MTG2: variants seen among roughly 807,000 people sequenced by gnomAD.
The protein encoded by MTG2 is mitochondrial ribosome-associated GTPase 2.
In MTG2, 23 loss-of-function variants were observed where a neutral mutation model predicts 28.6. The ratio of observed to expected loss-of-function variants is 0.80; its 90% CI spans 0.58 to 1.14. The LOEUF (loss-of-function observed/expected upper bound fraction) is 1.14. Among genes scored for constraint, MTG2 ranks in the 50% most tolerant of loss-of-function variants. The pLI is 0.00. For synonymous variants in MTG2, 260 were observed against 251.8 expected, an observed-to-expected ratio of 1.03 and a Z score of -0.31; for missense variants, 539 against 552.0, an observed-to-expected ratio of 0.98 and a Z score of 0.24.
intron 6 of MTG2, 46 bp downstream of exon 6, chr20:62,199,303 A>G (rs754536714): frequency 6.3e-7 from 1 of 1,583,074 alleles, no homozygotes; most frequent in Non-Finnish European, 8.6e-7. Flanking sequence ...AAATGATGTA[A>G]TTCAGAAAAG....
intron 1 of MTG2, among the ~76,000 whole-genome samples, chr20:62,184,185 C>T (rs775486393): frequency 1.6e-4 from 24 of 152,136 alleles, no homozygotes; most frequent in Admixed American, 2.6e-4. Flanking sequence ...GGTGAAACCC[C>T]ATCTCTACTA....
chr20:62,201,275 T>G lies in MTG2; in HGVS notation c.*198T>G. 1.5e-6 allele frequency: 1 copy of G among 645,970 alleles called. No homozygotes were observed. The highest frequency in any genetic ancestry group is 2.6e-6 in the Non-Finnish European group (1 of 384,604). The allele number at this position is 645,970 out of a possible 1,614,324, so 40.0% of individuals were successfully genotyped here. Reference sequence around the variant, plus strand: ...CCCCTACCCCGCCTGCCCTCCGTATTTCCTGCACCTGTCAGCCTGCACCGA... The same window carrying G: ...CCCCTACCCCGCCTGCCCTCCGTATGTCCTGCACCTGTCAGCCTGCACCGA... On this transcript the variant is annotated 3_prime_UTR_variant, in exon 7 of 7. Transcript: ENST00000370823.
At chr20:62,198,579 C>T in intron 4 of MTG2, 55 bp from the exon 5 acceptor site, 2 of 1,564,106 alleles carry the variant, frequency 1.3e-6, no homozygotes, top group South Asian at 1.1e-5. Flanking sequence ...TGGGTTAAGG[C>T]CTCCTTTCCT....
chr20:62,194,475 T>G (rs2145849296), intron 2 of MTG2, among the ~76,000 whole-genome samples: 2 of 152,382 alleles, frequency 1.3e-5, no homozygotes, highest in African/African-American at 4.8e-5. Flanking sequence ...TGGATTTTGC[T>G]TGCGTTGGCG....
intron 1 of MTG2, among the ~76,000 whole-genome samples, chr20:62,187,104 A>G (rs973461583): frequency 2.0e-5 from 3 of 152,084 alleles, no homozygotes; most frequent in Admixed American, 6.6e-5. Flanking sequence ...TTTCCTCCTC[A>G]TGAGTGGGTG....
At position 62,202,441 on chromosome 20, in the gene MTG2, A is replaced by C. The variant is rs575166850; in HGVS notation, c.*1364A>C. 1.6e-3 allele frequency: 146 copies of C among 92,670 alleles called. No homozygotes were observed. The East Asian group carries it at 0.041, about 26-fold the overall frequency. 5.7% of individuals were successfully genotyped at this position (92,670 alleles called of 1,614,324 possible). A position where few individuals can be genotyped will look rare whatever the true frequency, so the allele number is the denominator to read the frequency against. On this transcript the variant is annotated 3_prime_UTR_variant, in exon 7 of 7. Transcript: ENST00000370823. ...ACAGAGCGAGACCCTGTCTCAAAAA[A>C]CAAACAAACAAACAAACAAAAACAG...
In MTG2 at chr20:62,198,644, G is replaced by A; in HGVS notation, c.479G>A (p.Gly160Asp). The A allele has an allele frequency of 6.2e-7, 1 of 1,613,732 alleles. No individual in the cohort carries two copies. Among genetic ancestry groups the A allele is most frequent in the Non-Finnish European group, 8.5e-7 (1 of 1,179,886 alleles). ...CCTGCTGTTCCCCAGGTCCCCGTGG[G>A]CACGCTGGTGAAGGAGGGAGGCAGA... ...GAVLYIRVPV[G>D]TLVKEGGRVV... Residue 160 changes from glycine (G) to aspartate (D), a missense_variant, in exon 5 of 7, where the codon GGC (glycine) becomes GAC (aspartate). Gly to Asp is a moderately conservative substitution (Grantham distance 94). Transcript: ENST00000370823.
At chr20:62,185,375 G>C (rs2057819576) in intron 1 of MTG2, among the ~76,000 whole-genome samples, 1 of 152,048 alleles carries the variant, frequency 6.6e-6, no homozygotes, top group Non-Finnish European at 1.5e-5. Flanking sequence ...TCATGCCACT[G>C]CACTCCAGCC....
chr20:62,185,272 C>A (rs888577547), intron 1 of MTG2, among the ~76,000 whole-genome samples: 1 of 151,102 alleles, frequency 6.6e-6, no homozygotes, highest in Non-Finnish European at 1.5e-5. Context: ...ATTAGCTGGG[C>A]GTGGTGGCAT....
chr20:62,195,512 G>A (rs2058042469), intron 2 of MTG2, among the ~76,000 whole-genome samples: 1 of 152,162 alleles, frequency 6.6e-6, no homozygotes, highest in African/African-American at 2.4e-5. Flanking sequence ...TTTGTTGTTG[G>A]TTTTTAAATC....
intron 1 of MTG2, among the ~76,000 whole-genome samples, chr20:62,186,852 T>C (rs1373273149): frequency 6.6e-6 from 1 of 152,196 alleles, no homozygotes; most frequent in Admixed American, 6.5e-5. Flanking sequence ...TCTGTGGAAC[T>C]CTGTCCTCTC....
intron 6 of MTG2, 147 bp from the exon 7 acceptor site, chr20:62,200,536 G>GAAAT (rs146828134): frequency 0.14 from 134,167 of 953,848 alleles, 13,703 homozygotes; most frequent in East Asian, 0.53. Context: ...TCAGTTCAAG[G>GAAAT]CGTTCCTTGA....
chr20:62,199,692 C>CTT (rs576466526), intron 6 of MTG2, among the ~76,000 whole-genome samples: 4,763 of 90,640 alleles, frequency 0.053, 299 homozygotes, highest in African/African-American at 0.065. Flanking sequence ...ATGTAAACAA[C>CTT]TTTTTTTTTT....
rs1215586718 is a variant in MTG2, at chr20:62,202,176, CAT to C, written c.*1100_*1101del. 1 of 152,048 alleles carries C rather than the reference CAT, an allele frequency of 6.6e-6. No individual in the cohort carries two copies. Among genetic ancestry groups the C allele is most frequent in the East Asian group, 1.9e-4 (1 of 5,176 alleles). 9.4% of individuals were successfully genotyped at this position (152,048 alleles called of 1,614,324 possible). ...AGTACTGATGCATCCAAGCCAGGCC[CAT>C]GCCTGGTGTCTCCCTGACTGCAGAG... On this transcript the variant is annotated 3_prime_UTR_variant, in exon 7 of 7. Coordinates refer to ENST00000370823, the MANE Select transcript of MTG2 (RefSeq NM_015666.4).
Position 62,193,479 on chromosome 20 carries a change from A to T in MTG2, c.59A>T (p.His20Leu), listed in dbSNP as rs1346830076. The change falls in exon 2 of 7, where the codon CAT becomes CTT. Residue 20 changes from histidine (H) to leucine (L), a missense_variant. Transcript: ENST00000370823. ...AGGACCGTGTTTCAGGGCGTGGGGC[A>T]TTGGGCTTTGTCCACATGGGCTGGC... ...RLRTVFQGVG[H>L]WALSTWAGLK... 13 of 1,614,060 alleles carry T rather than the reference A, an allele frequency of 8.1e-6. No individual in the cohort carries two copies. Among genetic ancestry groups the T allele is most frequent in the Non-Finnish European group, 1.7e-6 (2 of 1,180,046 alleles).
In MTG2 at chr20:62,201,006, C is replaced by G. The variant is rs776242026; in HGVS notation, c.1150C>G (p.His384Asp). The G allele has an allele frequency of 1.5e-5, 25 of 1,613,244 alleles. No individual in the cohort carries two copies. Among genetic ancestry groups the G allele is most frequent in the Non-Finnish European group, 1.7e-5 (20 of 1,179,988 alleles). ...CGAGAACCTGGAGCAGCTGCTGTTG[C>G]ACCTGAAGGTGCTGTATGACGCCTA... ...TGENLEQLLL[H>D]LKVLYDAYAE... The change falls in exon 7 of 7, where the codon CAC becomes GAC. Residue 384 changes from histidine to aspartate, a missense_variant. By Grantham distance (81) the His-to-Asp change is moderately conservative. Coordinates refer to ENST00000370823, the MANE Select transcript of MTG2 (RefSeq NM_015666.4).
chr20:62,201,166 G>GA lies in MTG2; in HGVS notation c.*90dup. On this transcript the variant is annotated 3_prime_UTR_variant, in exon 7 of 7. Transcript: ENST00000370823. ...TTTTGAATGCATAAAGTGCCTTGTG[G>GA]ACACGGGGGAGTTGTGGTGCTTCTG... The GA allele has an allele frequency of 7.1e-7, 1 of 1,417,588 alleles. No homozygotes were observed. The highest frequency in any genetic ancestry group is 9.3e-7 in the Non-Finnish European group (1 of 1,076,500). 87.8% of individuals were successfully genotyped at this position (1,417,588 alleles called of 1,614,324 possible). A position where few individuals can be genotyped will look rare whatever the true frequency, so the allele number is the denominator to read the frequency against.
intron 1 of MTG2, chr20:62,188,683 A>G (rs1486031630): frequency 1.3e-5 from 2 of 151,944 alleles, no homozygotes; most frequent in East Asian, 3.9e-4. Context: ...TCTCTAGATT[A>G]TTTATAGTAC....
intron 6 of MTG2, 104 bp from the exon 7 acceptor site, chr20:62,200,579 T>A: frequency 7.2e-7 from 1 of 1,382,636 alleles, no homozygotes; most frequent in Non-Finnish European, 9.7e-7. Context: ...AAATCCGCCT[T>A]CGCAGTGGGC....
Sources: allele counts gnomAD v4.1 joint callset (sites outside exome capture counted in the v4.1 genomes callset), GRCh38; gene constraint gnomAD v4.1.1; transcripts MANE v1.5; gene names NCBI Gene and HGNC (gene_info 2026-07-23, HGNC 2026-07-21).